SLIT2: variants seen among roughly 807,000 people sequenced by gnomAD.
The protein encoded by SLIT2 is slit homolog 2 protein.
In SLIT2, 41 loss-of-function variants were observed where a neutral mutation model predicts 185.7. The observed-to-expected ratio is 0.22, with a 90% CI of 0.17 to 0.29. The LOEUF (loss-of-function observed/expected upper bound fraction) is 0.29. Ranked by LOEUF, SLIT2 falls within the 10% of genes least tolerant of loss-of-function variation. SLIT2 has a pLI of 1.00. For synonymous variants in SLIT2, 693 were observed against 680.2 expected (o/e 1.02, Z -0.29); for missense variants, 1,571 against 1,909.0 (o/e 0.82, Z 3.30).
At chr4:20,294,242 A>G (rs1161679928) in intron 4 of SLIT2, among the ~76,000 whole-genome samples, 1 of 151,940 alleles carries the variant, frequency 6.6e-6, no homozygotes, top group Non-Finnish European at 1.5e-5. Flanking sequence ...CAGCTACATC[A>G]TGAGTCTGAC....
chr4:20,543,053 T>TA (rs1448920989), intron 21 of SLIT2, among the ~76,000 whole-genome samples: 1 of 152,092 alleles, frequency 6.6e-6, no homozygotes. Flanking sequence ...ACTTACAGTC[T>TA]AGGATATTCT....
intron 4 of SLIT2, among the ~76,000 whole-genome samples, chr4:20,379,135 G>A (rs1166000519): frequency 6.6e-6 from 1 of 152,086 alleles, no homozygotes; most frequent in Admixed American, 6.6e-5. Flanking sequence ...CACTAAAAGT[G>A]ATTCCTAATG....
At chr4:20,544,794 A>G (rs1723105740) in intron 21 of SLIT2, among the ~76,000 whole-genome samples, 2 of 152,142 alleles carry the variant, frequency 1.3e-5, no homozygotes, top group Non-Finnish European at 2.9e-5. Flanking sequence ...ATAAACATTC[A>G]TAGCGCACAT....
intron 4 of SLIT2, among the ~76,000 whole-genome samples, chr4:20,309,754 CTTTCTTTTTTTT>C (rs1436130956): frequency 1.1e-5 from 1 of 92,760 alleles, no homozygotes; most frequent in African/African-American, 4.3e-5. Context: ...TCTAGTCTTT[CTTTCTTTTTTTT>C]TTTTTTTTTT....
At chr4:20,337,586 G>C (rs1016373323) in intron 4 of SLIT2, among the ~76,000 whole-genome samples, 18 of 152,136 alleles carry the variant, frequency 1.2e-4, no homozygotes. Context: ...GGATGAACTA[G>C]GTAGATAATT....
Position 20,334,547 on chromosome 4 carries a change from T to G in SLIT2, c.395+65666T>G, listed in dbSNP as rs370378757. On this transcript the variant is annotated intron_variant, in intron 4 of 36. Transcript: ENST00000504154. ...GGTTCCTTTTCTAATTGGTATGAAC[T>G]CAGTTAAGACAAATTACATAATCCT... 1.0e-3 allele frequency among the ~76,000 whole-genome samples: 153 copies of G among 152,290 alleles called. 2 individuals carry two copies. In the South Asian group the frequency reaches 0.027, roughly 27 times the overall value.
intron 11 of SLIT2, among the ~76,000 whole-genome samples, chr4:20,515,901 C>T (rs889174438): frequency 3.3e-5 from 5 of 152,132 alleles, no homozygotes; most frequent in Admixed American, 2.0e-4. Flanking sequence ...CTGCAACCTC[C>T]GCCTCCCAGA....
chr4:20,321,355 T>G (rs1160224781), intron 4 of SLIT2, among the ~76,000 whole-genome samples: 3 of 152,196 alleles, frequency 2.0e-5, no homozygotes, highest in Non-Finnish European at 4.4e-5. Context: ...CCTCTGTGGC[T>G]GGCCCTCACT....
At chr4:20,498,933 A>T (rs1470686979) in intron 9 of SLIT2, among the ~76,000 whole-genome samples, 1 of 152,224 alleles carries the variant, frequency 6.6e-6, no homozygotes, top group Non-Finnish European at 1.5e-5. Context: ...GATACCCAGT[A>T]GTAGGATTGA....
At chr4:20,350,208 G>A (rs1300118979) in intron 4 of SLIT2, among the ~76,000 whole-genome samples, 2 of 151,702 alleles carry the variant, frequency 1.3e-5, no homozygotes, top group Non-Finnish European at 2.9e-5. Flanking sequence ...ACTGAGCAGA[G>A]CATACTTTTG....
intron 4 of SLIT2, among the ~76,000 whole-genome samples, chr4:20,339,181 A>G (rs1174592547): frequency 6.6e-6 from 1 of 152,050 alleles, no homozygotes; most frequent in African/African-American, 2.4e-5. Flanking sequence ...ATGGATTACA[A>G]TTATTTCTAG....
rs191698167 is a variant in SLIT2 at position 20,535,355 on chromosome 4, G to C, written c.1832+1640G>C. 7.0e-4 allele frequency among the ~76,000 whole-genome samples: 107 copies of C among 152,054 alleles called. 1 individual carries two copies. Among genetic ancestry groups the C allele is most frequent in the African/African-American group, 2.5e-3 (105 of 41,498 alleles). On this transcript the variant is annotated intron_variant, in intron 18 of 36. Transcript: ENST00000504154. ...GAATGTGTAGGAAGAGGATAGAAAA[G>C]AGACCACAGGCGGCTGCATCTAACC...
intron 33 of SLIT2, among the ~76,000 whole-genome samples, chr4:20,599,094 A>C (rs6826108): frequency 0.36 from 54,411 of 152,068 alleles, 10,324 homozygotes; most frequent in East Asian, 0.76. Flanking sequence ...TAAGGAACAA[A>C]GCCCCTGCTC....
rs563088191 is a variant in SLIT2 at position 20,436,917 on chromosome 4, A to G, written c.396-30835A>G. 2.0e-5 allele frequency among the ~76,000 whole-genome samples: 3 copies of G among 152,356 alleles called. No individual in the cohort carries two copies. The South Asian group carries it at 6.2e-4, about 32-fold the overall frequency. ...AACAGCCTCCTTTGTAAAACTAGGCAAAGTCCAAAAATTAGAGGGAATGGA... is the reference window on the plus strand; with the variant it reads ...AACAGCCTCCTTTGTAAAACTAGGCGAAGTCCAAAAATTAGAGGGAATGGA... On this transcript the variant is annotated intron_variant, in intron 4 of 36. Transcript: ENST00000504154.
intron 4 of SLIT2, among the ~76,000 whole-genome samples, chr4:20,429,354 T>C (rs1397491687): frequency 2.0e-5 from 3 of 152,194 alleles, no homozygotes; most frequent in African/African-American, 7.2e-5. Context: ...TTATTCTATA[T>C]TTGGAAAGAC....
At chr4:20,453,357 A>G (rs535730874) in intron 4 of SLIT2, among the ~76,000 whole-genome samples, 1 of 152,292 alleles carries the variant, frequency 6.6e-6, no homozygotes, top group East Asian at 1.9e-4. Flanking sequence ...TTTATCTTAA[A>G]TTGTACTTTG....
chr4:20,451,178 C>G (rs550752241), intron 4 of SLIT2, among the ~76,000 whole-genome samples: 1 of 152,330 alleles, frequency 6.6e-6, no homozygotes, highest in East Asian at 1.9e-4. Context: ...TGAGCATCAT[C>G]TCCGTTACAC....
At chr4:20,428,603 T>A (rs1728735566) in intron 4 of SLIT2, among the ~76,000 whole-genome samples, 1 of 152,156 alleles carries the variant, frequency 6.6e-6, no homozygotes, top group African/African-American at 2.4e-5. Flanking sequence ...CAAAAGACCA[T>A]TTCTAGGCCT....
At chr4:20,561,372 A>C in intron 26 of SLIT2, among the ~76,000 whole-genome samples, 1 of 151,866 alleles carries the variant, frequency 6.6e-6, no homozygotes. Flanking sequence ...CTCAGCAATA[A>C]CATTGTAATA....
Sources: allele counts gnomAD v4.1 joint callset (sites outside exome capture counted in the v4.1 genomes callset), GRCh38; gene constraint gnomAD v4.1.1; transcripts MANE v1.5; gene names NCBI Gene and HGNC (gene_info 2026-07-23, HGNC 2026-07-21).